Variants in WWP1 observed in about 807,000 individuals in gnomAD.
WWP1 encodes the protein NEDD4-like E3 ubiquitin-protein ligase WWP1.
WWP1 carries 49 observed loss-of-function variants against 130.6 expected under a neutral mutation model. That is an observed-to-expected ratio of 0.38 (90% CI 0.30 to 0.48). The LOEUF is 0.48. WWP1 is among the 20% of genes least tolerant of loss of function. The pLI is 0.99. For synonymous variants in WWP1, 332 were observed against 367.8 expected (o/e 0.90, Z 1.11); for missense variants, 809 against 1,100.6 (o/e 0.74, Z 3.75).
At chr8:86,461,695 A>G in intron 23 of WWP1, 79 bp from the exon 24 acceptor site, 1 of 1,091,138 alleles carries the variant, frequency 9.2e-7, no homozygotes, top group Admixed American at 1.8e-5. Flanking sequence ...ACTGTGCAAC[A>G]TGTTCTATTA....
intron 1 of WWP1, among the ~76,000 whole-genome samples, chr8:86,363,388 G>A (rs949772929): frequency 2.6e-5 from 4 of 152,116 alleles, no homozygotes; most frequent in African/African-American, 9.7e-5. Flanking sequence ...GTGGCATTTA[G>A]CATGGGTGGC....
chr8:86,418,082 A>G (rs778058007), intron 9 of WWP1, among the ~76,000 whole-genome samples: 3 of 152,214 alleles, frequency 2.0e-5, no homozygotes, highest in Non-Finnish European at 2.9e-5. Context: ...ATAGAATCAT[A>G]CTGTATATAG....
chr8:86,426,196 A>G (rs1007526276), intron 10 of WWP1, among the ~76,000 whole-genome samples: 4 of 152,248 alleles, frequency 2.6e-5, no homozygotes, highest in African/African-American at 4.8e-5. Context: ...CATTTTAACT[A>G]TGACAAGATC....
intron 10 of WWP1, among the ~76,000 whole-genome samples, chr8:86,426,866 AAAG>A (rs1809654500): frequency 6.6e-6 from 1 of 152,194 alleles, no homozygotes; most frequent in Admixed American, 6.5e-5. Context: ...CTTATCAAAG[AAAG>A]AAGGAGAGGC....
intron 10 of WWP1, 87 bp from the exon 11 acceptor site, chr8:86,427,556 C>G: frequency 7.3e-7 from 1 of 1,367,228 alleles, no homozygotes; most frequent in Non-Finnish European, 9.9e-7. Flanking sequence ...ATGTCTTGAA[C>G]TTGATATTTA....
rs757014900 is a variant in WWP1 at position 86,442,778 on chromosome 8, G to A, written c.1998G>A (p.Met666Ile). 6.9e-6 allele frequency: 11 copies of A among 1,602,252 alleles called. No homozygotes were observed. Among genetic ancestry groups the A allele is most frequent in the Non-Finnish European group, 7.7e-6 (9 of 1,176,388 alleles). ...YFCFIGRFIA[M>I]ALFHGKFIDT... ...GTTTCATTGGTCGTTTTATTGCCATGGTGAGTTCCTGACTTTATTATTATT... is the reference window on the plus strand; with the variant it reads ...GTTTCATTGGTCGTTTTATTGCCATAGTGAGTTCCTGACTTTATTATTATT... Residue 666 changes from methionine (M) to isoleucine (I), a missense_variant and splice_region_variant, in exon 18 of 25, where the codon ATG becomes ATA. Coordinates refer to ENST00000517970, the MANE Select transcript of WWP1 (RefSeq NM_007013.4).
intron 1 of WWP1, among the ~76,000 whole-genome samples, chr8:86,346,778 TTA>T (rs1208956548): frequency 6.6e-6 from 1 of 152,156 alleles, no homozygotes; most frequent in Non-Finnish European, 1.5e-5. Context: ...AAATTGCCCT[TTA>T]TAGTGGTATC....
chr8:86,363,220 A>T (rs1450069218), intron 1 of WWP1, among the ~76,000 whole-genome samples: 1 of 152,196 alleles, frequency 6.6e-6, no homozygotes. Context: ...CAACAAAAAA[A>T]GCTGACTGGT....
intron 1 of WWP1, among the ~76,000 whole-genome samples, chr8:86,364,346 G>A (rs772557224): frequency 6.6e-6 from 1 of 152,050 alleles, no homozygotes; most frequent in Non-Finnish European, 1.5e-5. Context: ...GTTAAAATTG[G>A]CATTAAAAAG....
At position 86,431,502 on chromosome 8, in the gene WWP1, C is replaced by CAT; in HGVS notation, c.1472+13_1472+14insTA. 6.2e-7 allele frequency: 1 copy of CAT among 1,612,230 alleles called. No individual in the cohort carries two copies. Among genetic ancestry groups the CAT allele is most frequent in the Non-Finnish European group, 8.5e-7 (1 of 1,179,086 alleles). On this transcript the variant is annotated intron_variant, in intron 13 of 24. Coordinates refer to ENST00000517970, the MANE Select transcript of WWP1 (RefSeq NM_007013.4). ...CCAAGAACTCAAGGGTATGTATATA[C>CAT]AGCAGCCTTAAGTCGTCTTGCATAT...
rs533939395 is a variant in WWP1 at position 86,391,540 on chromosome 8, TAAAC to T, written c.335-6798_335-6795del. 2.5e-3 allele frequency among the ~76,000 whole-genome samples: 375 copies of T among 152,286 alleles called. 1 individual carries two copies. Among genetic ancestry groups the T allele is most frequent in the Admixed American group, 4.5e-3 (69 of 15,298 alleles). On this transcript the variant is annotated intron_variant, in intron 5 of 24. Transcript: ENST00000517970. ...AAAAAAATCCCTCTATTGTTACAGA[TAAAC>T]AAAGCTGGACACTGTTTAGAGTAGT...
At chr8:86,434,074 C>T (rs1458028014) in intron 14 of WWP1, among the ~76,000 whole-genome samples, 1 of 152,182 alleles carries the variant, frequency 6.6e-6, no homozygotes, top group Non-Finnish European at 1.5e-5. Flanking sequence ...TCCAAGCTAC[C>T]ATTATCTGTT....
chr8:86,406,706 T>C (rs1808300250), intron 8 of WWP1, among the ~76,000 whole-genome samples: 1 of 152,154 alleles, frequency 6.6e-6, no homozygotes, highest in Non-Finnish European at 1.5e-5. Context: ...CACATATGGC[T>C]TCATGTACCA....
At chr8:86,464,436 T>C (rs1206324565) in intron 24 of WWP1, among the ~76,000 whole-genome samples, 1 of 152,256 alleles carries the variant, frequency 6.6e-6, no homozygotes, top group East Asian at 1.9e-4. Context: ...TTAATATTTT[T>C]TAAACTTCTG....
intron 1 of WWP1, among the ~76,000 whole-genome samples, chr8:86,362,017 TACAC>T (rs1418107596): frequency 7.2e-6 from 1 of 139,684 alleles, no homozygotes; most frequent in African/African-American, 2.7e-5. Context: ...CATATATATA[TACAC>T]ATATATATAC....
chr8:86,400,839 G>A (rs566267038), intron 7 of WWP1, among the ~76,000 whole-genome samples: 12 of 152,282 alleles, frequency 7.9e-5, no homozygotes, highest in Admixed American at 7.2e-4. Context: ...AGGTGTGGCT[G>A]ATTTTCAAAA....
At chr8:86,443,934 C>A (rs1810726783) in intron 18 of WWP1, among the ~76,000 whole-genome samples, 1 of 152,044 alleles carries the variant, frequency 6.6e-6, no homozygotes, top group Non-Finnish European at 1.5e-5. Flanking sequence ...CTGTGTGGGA[C>A]CTTTAGGAAA....
Position 86,448,523 on chromosome 8 carries a change from T to C in WWP1, c.2273+10T>C. ...AAGATGAATATATTGGGTAAGGTGA[T>C]ATACCTTATTAAGCTTAATTTCTAG... On this transcript the variant is annotated intron_variant, in intron 20 of 24. Transcript: ENST00000517970. The C allele has an allele frequency of 6.2e-7, 1 of 1,607,102 alleles. No individual in the cohort carries two copies. Among genetic ancestry groups the C allele is most frequent in the South Asian group, 1.1e-5 (1 of 89,378 alleles).
chr8:86,370,960 G>A (rs543512461), intron 2 of WWP1, among the ~76,000 whole-genome samples: 7 of 138,794 alleles, frequency 5.0e-5, no homozygotes, highest in South Asian at 4.5e-4. Context: ...CTGCCTCCCG[G>A]GTTTAAGTAA....
Sources: allele counts gnomAD v4.1 joint callset (sites outside exome capture counted in the v4.1 genomes callset), GRCh38; gene constraint gnomAD v4.1.1; transcripts MANE v1.5; gene names NCBI Gene and HGNC (gene_info 2026-07-23, HGNC 2026-07-21).